Variants in MGMT observed in about 807,000 individuals in gnomAD.
The protein encoded by MGMT is methylated-DNA--protein-cysteine methyltransferase.
In MGMT, 14 loss-of-function variants were observed where a neutral mutation model predicts 15.9. The ratio of observed to expected loss-of-function variants is 0.88; its 90% CI spans 0.58 to 1.37. MGMT has a LOEUF of 1.37. Among genes scored for constraint, MGMT ranks in the 40% most tolerant of loss-of-function variants. The pLI is 0.00. For missense variants in MGMT, 282 were observed against 268.1 expected (o/e 1.05, Z -0.36); for synonymous variants, 130 against 118.2 (o/e 1.10, Z -0.65).
At chr10:129,640,512 G>A (rs185900437) in intron 2 of MGMT, among the ~76,000 whole-genome samples, 8 of 152,256 alleles carry the variant, frequency 5.3e-5, no homozygotes, top group Non-Finnish European at 8.8e-5. Context: ...AATTTCAGAC[G>A]TAGTTGTCTT....
At chr10:129,561,326 G>A (rs916389372) in intron 2 of MGMT, among the ~76,000 whole-genome samples, 3 of 152,104 alleles carry the variant, frequency 2.0e-5, no homozygotes, top group South Asian at 2.1e-4. Flanking sequence ...GGTGCAGGCG[G>A]TGAGACGGCG....
chr10:129,644,248 C>A (rs1847360212), intron 2 of MGMT, among the ~76,000 whole-genome samples: 1 of 152,186 alleles, frequency 6.6e-6, no homozygotes, highest in African/African-American at 2.4e-5. Context: ...TCTAGCAAAT[C>A]CTAGATGCTT....
At position 129,701,638 on chromosome 10, in the gene MGMT, A is replaced by G. The variant is rs1014477692; in HGVS notation, c.126-6257A>G. 3 of 152,182 alleles carry G rather than the reference A, an allele frequency of 2.0e-5. No individual in the cohort carries two copies. The East Asian group carries it at 5.8e-4, about 29-fold the overall frequency. 9.4% of individuals were successfully genotyped at this position (152,182 alleles called of 1,614,324 possible). A position where few individuals can be genotyped will look rare whatever the true frequency, so the allele number is the denominator to read the frequency against. The stretch of plus-strand genomic sequence containing the variant: ...CACTCTAAACTGGGAAGAGCCTGGT[A>G]GCCGTGGTACCAGGAACACTCACTC... On this transcript the variant is annotated intron_variant, in intron 2 of 4. Transcript: ENST00000651593.
chr10:129,512,195 G>A (rs546860382), intron 1 of MGMT, among the ~76,000 whole-genome samples: 42 of 152,274 alleles, frequency 2.8e-4, no homozygotes, highest in Non-Finnish European at 4.6e-4. Flanking sequence ...TAATTGACCT[G>A]AGTTGTCATT....
At chr10:129,625,827 T>A (rs1847141883) in intron 2 of MGMT, among the ~76,000 whole-genome samples, 1 of 152,228 alleles carries the variant, frequency 6.6e-6, no homozygotes, top group Non-Finnish European at 1.5e-5. Flanking sequence ...GTTGCTTGTT[T>A]TCAGGAGTTT....
At chr10:129,581,235 C>T (rs1179018272) in intron 2 of MGMT, among the ~76,000 whole-genome samples, 1 of 152,176 alleles carries the variant, frequency 6.6e-6, no homozygotes, top group African/African-American at 2.4e-5. Context: ...ATTCCATCCG[C>T]TGTGGCTGAG....
At chr10:129,672,069 A>G (rs1194212693) in intron 2 of MGMT, among the ~76,000 whole-genome samples, 1 of 152,252 alleles carries the variant, frequency 6.6e-6, no homozygotes, top group African/African-American at 2.4e-5. Context: ...CTAAACATTT[A>G]TCAGTACACC....
At chr10:129,528,513 TGGCGGGGGGAGCGGG>T (rs1413254489) in intron 1 of MGMT, among the ~76,000 whole-genome samples, 1 of 123,088 alleles carries the variant, frequency 8.1e-6, no homozygotes, top group Non-Finnish European at 1.7e-5. Context: ...TGAGGGGCAG[TGGCGGGGGGAGCGGG>T]GGCGTGGGTG....
At chr10:129,688,487 T>G (rs1018087103) in intron 2 of MGMT, among the ~76,000 whole-genome samples, 1 of 152,264 alleles carries the variant, frequency 6.6e-6, no homozygotes, top group African/African-American at 2.4e-5. Context: ...CGTAAATGTC[T>G]TCTTTTGAGA....
At chr10:129,591,829 G>A (rs1455590060) in intron 2 of MGMT, among the ~76,000 whole-genome samples, 1 of 152,182 alleles carries the variant, frequency 6.6e-6, no homozygotes, top group Non-Finnish European at 1.5e-5. Context: ...TACTTGGGAG[G>A]CTGAGGCAGG....
chr10:129,642,951 AAAAG>A (rs1392149520), intron 2 of MGMT, among the ~76,000 whole-genome samples: 7 of 152,122 alleles, frequency 4.6e-5, no homozygotes, highest in Non-Finnish European at 8.8e-5. Context: ...AAAAAAGAAA[AAAAG>A]GTAATAAAAG....
intron 1 of MGMT, among the ~76,000 whole-genome samples, chr10:129,479,453 G>A (rs748791966): frequency 1.3e-5 from 2 of 151,834 alleles, no homozygotes; most frequent in African/African-American, 4.8e-5. Context: ...TGGAATTGTA[G>A]TCATATACTG....
intron 1 of MGMT, among the ~76,000 whole-genome samples, chr10:129,470,781 A>T (rs1455429995): frequency 6.6e-6 from 1 of 152,244 alleles, no homozygotes; most frequent in Non-Finnish European, 1.5e-5. Flanking sequence ...TCAGTGGCTC[A>T]GCAGCAGAGC....
At chr10:129,692,369 A>G (rs532221804) in intron 2 of MGMT, among the ~76,000 whole-genome samples, 44 of 152,322 alleles carry the variant, frequency 2.9e-4, no homozygotes, top group African/African-American at 9.4e-4. Context: ...GGCGCCTTCT[A>G]TGCAGGGTCA....
chr10:129,495,954 A>G (rs1048043502), intron 1 of MGMT, among the ~76,000 whole-genome samples: 4 of 152,190 alleles, frequency 2.6e-5, no homozygotes, highest in Non-Finnish European at 5.9e-5. Context: ...TGCAGCTGAC[A>G]AGATTGATAC....
intron 3 of MGMT, among the ~76,000 whole-genome samples, chr10:129,754,926 AGAGCC>A (rs57305483): frequency 0.7 from 106,109 of 151,586 alleles, 38,417 homozygotes; most frequent in African/African-American, 0.89. Context: ...AAAGTGGATT[AGAGCC>A]GAGCCCCTAG....
intron 4 of MGMT, among the ~76,000 whole-genome samples, chr10:129,765,108 G>T (rs1003049218): frequency 6.6e-6 from 1 of 152,102 alleles, no homozygotes; most frequent in African/African-American, 2.4e-5. Context: ...CAGCCACTGT[G>T]ATGCTTTGCA....
chr10:129,543,483 C>G (rs890363686), intron 2 of MGMT, among the ~76,000 whole-genome samples: 1 of 152,178 alleles, frequency 6.6e-6, no homozygotes, highest in African/African-American at 2.4e-5. Flanking sequence ...CTGGGATTCA[C>G]TGTGAAATTG....
intron 2 of MGMT, among the ~76,000 whole-genome samples, chr10:129,577,129 C>A: frequency 6.6e-6 from 1 of 151,650 alleles, no homozygotes; most frequent in Admixed American, 6.6e-5. Context: ...TTTATAGATT[C>A]AATGCCATCC....
Sources: allele counts gnomAD v4.1 joint callset (sites outside exome capture counted in the v4.1 genomes callset), GRCh38; gene constraint gnomAD v4.1.1; transcripts MANE v1.5; gene names NCBI Gene and HGNC (gene_info 2026-07-23, HGNC 2026-07-21).